The following MPPED2 variants were observed in gnomAD, a reference collection of about 807,000 sequenced individuals.
The protein encoded by MPPED2 is metallophosphoesterase MPPED2.
In MPPED2, 5 loss-of-function variants were observed where a neutral mutation model predicts 33.0. The observed-to-expected ratio is 0.15, with a 90% confidence interval of 0.08 to 0.32. The LOEUF (loss-of-function observed/expected upper bound fraction) is 0.32. Among genes scored for constraint, MPPED2 ranks in the 10% least tolerant of loss-of-function variants. The pLI is 1.00. For missense variants in MPPED2, 275 were observed against 372.1 expected, an observed-to-expected ratio of 0.74 and a Z score of 2.15; for synonymous variants, 136 against 141.9, an observed-to-expected ratio of 0.96 and a Z score of 0.29.
At chr11:30,476,728 T>C (rs1168573352) in intron 4 of MPPED2, among the ~76,000 whole-genome samples, 2 of 152,078 alleles carry the variant, frequency 1.3e-5, no homozygotes, top group Non-Finnish European at 2.9e-5. Flanking sequence ...GAAATCTTTT[T>C]TTATTTTCAA....
At chr11:30,557,538 G>A (rs1254067935) in intron 2 of MPPED2, among the ~76,000 whole-genome samples, 1 of 152,130 alleles carries the variant, frequency 6.6e-6, no homozygotes, top group Non-Finnish European at 1.5e-5. Context: ...CTAGTTATGA[G>A]ATTTAGCACA....
chr11:30,402,934 T>G (rs1224507156), intron 6 of MPPED2, among the ~76,000 whole-genome samples: 1 of 152,156 alleles, frequency 6.6e-6, no homozygotes, highest in African/African-American at 2.4e-5. Flanking sequence ...TTTTTAATTT[T>G]GGTTATTCAG....
chr11:30,557,219 A>G (rs1049702138), intron 2 of MPPED2, among the ~76,000 whole-genome samples: 1 of 147,978 alleles, frequency 6.8e-6, no homozygotes, highest in Non-Finnish European at 1.5e-5. Context: ...CAAATTATAT[A>G]TATATAATAT....
chr11:30,448,551 A>C (rs1219524339), intron 4 of MPPED2, among the ~76,000 whole-genome samples: 1 of 152,246 alleles, frequency 6.6e-6, no homozygotes, highest in African/African-American at 2.4e-5. Context: ...GGTTACTGCT[A>C]TAAGTCTATT....
chr11:30,416,489 T>C (rs1948365353), intron 5 of MPPED2, among the ~76,000 whole-genome samples: 1 of 152,210 alleles, frequency 6.6e-6, no homozygotes, highest in African/African-American at 2.4e-5. Context: ...GGGGGTAACA[T>C]GGATAAAAAC....
chr11:30,547,340 T>G (rs1955475569), intron 2 of MPPED2, among the ~76,000 whole-genome samples: 1 of 152,264 alleles, frequency 6.6e-6, no homozygotes, highest in East Asian at 1.9e-4. Context: ...GTTAGAGCTC[T>G]GATAGAAGCT....
rs550726142 is a variant in MPPED2 at position 30,399,910 on chromosome 11, A to G, written c.767-10954T>C. 1.9e-4 allele frequency among the ~76,000 whole-genome samples: 29 copies of G among 152,338 alleles called. No individual in the cohort carries two copies. In the South Asian group the frequency reaches 5.2e-3, roughly 27 times the overall value. On this transcript the variant is annotated intron_variant, in intron 6 of 6. Coordinates refer to the MPPED2 transcript ENST00000448418. ...AATACCAGTCTGACAGCAAAGACAGACTGAAACCTCAACACTGTATTTAAA... is the reference window on the plus strand; with the variant it reads ...AATACCAGTCTGACAGCAAAGACAGGCTGAAACCTCAACACTGTATTTAAA...
exon 7 of MPPED2, chr11:30,387,962 G>T (rs1467148659): frequency 1.3e-5 from 2 of 152,292 alleles, no homozygotes; most frequent in East Asian, 3.9e-4. Context: ...GTGGGAGCTG[G>T]GGTGTGCCCA....
Position 30,539,145 on chromosome 11 carries a change from A to G in MPPED2, c.129-2970T>C, listed in dbSNP as rs573826485. Reference sequence around the variant, plus strand: ...TTGGGCATTTGATAAACACCTGGAAAAGTCAAGACAGCCAAACATTTTCAC... The same window carrying G: ...TTGGGCATTTGATAAACACCTGGAAGAGTCAAGACAGCCAAACATTTTCAC... On this transcript the variant is annotated intron_variant, in intron 2 of 6. Transcript: ENST00000358117. Among the ~76,000 whole-genome samples, 6 of 152,300 alleles carry G rather than the reference A, an allele frequency of 3.9e-5. No individual in the cohort carries two copies. The South Asian group carries it at 1.2e-3, about 32-fold the overall frequency.
rs553053317 is a variant in MPPED2, at chr11:30,493,172, A to G, written c.536+2124T>C. ...GCCGAGGCGGGCGGATCACGAGGTCAGGAGATCGAGACCACGGTGAAACCC... is the reference window on the plus strand; with the variant it reads ...GCCGAGGCGGGCGGATCACGAGGTCGGGAGATCGAGACCACGGTGAAACCC... On this transcript the variant is annotated intron_variant, in intron 4 of 6. Transcript: ENST00000358117. 9.2e-5 allele frequency among the ~76,000 whole-genome samples: 14 copies of G among 152,212 alleles called. No individual in the cohort carries two copies. In the East Asian group the frequency reaches 2.7e-3, roughly 30 times the overall value.
intron 5 of MPPED2, among the ~76,000 whole-genome samples, chr11:30,415,045 G>T (rs953002905): frequency 6.6e-6 from 1 of 152,174 alleles, no homozygotes; most frequent in Non-Finnish European, 1.5e-5. Flanking sequence ...TTATGGCCTG[G>T]AATGGAATCC....
intron 2 of MPPED2, among the ~76,000 whole-genome samples, chr11:30,558,961 G>C (rs909828163): frequency 6.6e-6 from 1 of 152,032 alleles, no homozygotes; most frequent in African/African-American, 2.4e-5. Flanking sequence ...AGTGGGATAA[G>C]CATGGTTAAT....
downstream of MPPED2, among the ~76,000 whole-genome samples, chr11:30,407,554 G>A (rs962713104): frequency 2.6e-5 from 4 of 152,072 alleles, no homozygotes; most frequent in Admixed American, 6.5e-5. Context: ...TGCTGCTTTC[G>A]AGGTTGGAGA....
At chr11:30,546,538 G>A (rs989911214) in intron 2 of MPPED2, among the ~76,000 whole-genome samples, 1 of 152,144 alleles carries the variant, frequency 6.6e-6, no homozygotes, top group African/African-American at 2.4e-5. Flanking sequence ...AGTTGTTAAT[G>A]GGCTTCATTG....
At chr11:30,450,808 T>C (rs985051336) in intron 4 of MPPED2, among the ~76,000 whole-genome samples, 6 of 152,238 alleles carry the variant, frequency 3.9e-5, no homozygotes, top group African/African-American at 1.4e-4. Context: ...AAACTCTGTA[T>C]CGGGTACAGA....
intron 4 of MPPED2, among the ~76,000 whole-genome samples, chr11:30,442,242 G>T (rs1949609756): frequency 6.6e-6 from 1 of 152,142 alleles, no homozygotes. Context: ...AAATACTCAG[G>T]GAGTCTTTTA....
intron 4 of MPPED2, among the ~76,000 whole-genome samples, chr11:30,477,074 C>T (rs1419305521): frequency 6.6e-6 from 1 of 152,018 alleles, no homozygotes; most frequent in Non-Finnish European, 1.5e-5. Flanking sequence ...ATCCTGCATC[C>T]CATAACCTCA....
chr11:30,522,257 T>A (rs548491956), intron 3 of MPPED2, among the ~76,000 whole-genome samples: 1 of 152,246 alleles, frequency 6.6e-6, no homozygotes, highest in East Asian at 1.9e-4. Context: ...TTAATTTATA[T>A]TTCTTGATTT....
At position 30,410,655 on chromosome 11, in the gene MPPED2, G is replaced by A. The variant is rs976564112; in HGVS notation, c.*813C>T. The A allele has an allele frequency of 1.0e-6, 1 of 985,452 alleles. No individual in the cohort carries two copies. The highest frequency in any genetic ancestry group is 1.7e-5 in the African/African-American group (1 of 57,210). 61.0% of individuals were successfully genotyped at this position (985,452 alleles called of 1,614,324 possible). A position where few individuals can be genotyped will look rare whatever the true frequency, so the allele number is the denominator to read the frequency against. Reference sequence around the variant, plus strand: ...TGCTATACAGCATCCCTTTGCAGTTGTACTGTCCTTGACAATAATAAACTC... The same window carrying A: ...TGCTATACAGCATCCCTTTGCAGTTATACTGTCCTTGACAATAATAAACTC... On this transcript the variant is annotated 3_prime_UTR_variant, in exon 7 of 7. Transcript: ENST00000358117.
Sources: gnomAD v4.1 joint callset for allele counts (sites outside exome capture counted in the v4.1 genomes callset) on GRCh38, gnomAD v4.1.1 for gene constraint, MANE v1.5 for transcripts, NCBI Gene and HGNC (gene_info 2026-07-23, HGNC 2026-07-21) for gene names.